Variants in PHACTR1 observed in about 807,000 individuals in gnomAD.
The protein encoded by PHACTR1 is phosphatase and actin regulator 1.
In PHACTR1, 16 loss-of-function variants were observed where a neutral mutation model predicts 69.2. That is an observed-to-expected ratio of 0.23 (90% confidence interval 0.16 to 0.35). The LOEUF (loss-of-function observed/expected upper bound fraction) is 0.35, where lower values mean the gene tolerates loss of function less well. PHACTR1 is among the 10% of genes least tolerant of loss of function. The probability of loss-of-function intolerance (pLI) is 1.00; values close to 1 mark genes in which losing one functional copy is unlikely to be tolerated. For missense variants in PHACTR1, 510 were observed against 734.7 expected, an observed-to-expected ratio of 0.69 and a Z score of 3.54; for synonymous variants, 312 against 284.5, an observed-to-expected ratio of 1.10 and a Z score of -0.97.
intron 4 of PHACTR1, among the ~76,000 whole-genome samples, chr6:12,807,494 A>G (rs1774477866): frequency 1.3e-5 from 2 of 152,218 alleles, no homozygotes; most frequent in African/African-American, 4.8e-5. Flanking sequence ...CCCAGGAAAT[A>G]TAAGGACCTG....
chr6:13,034,207 C>T (rs1056430371), intron 4 of PHACTR1, among the ~76,000 whole-genome samples: 2 of 151,810 alleles, frequency 1.3e-5, no homozygotes, highest in Non-Finnish European at 2.9e-5. Context: ...TTAGTAGAGA[C>T]GGAGTTTCAC....
intron 4 of PHACTR1, among the ~76,000 whole-genome samples, chr6:12,931,003 CAAAAAA>C (rs34965562): frequency 2.2e-4 from 19 of 86,190 alleles, no homozygotes; most frequent in Non-Finnish European, 2.4e-5. Context: ...AACTCTGTCT[CAAAAAA>C]AAAAAAAAAA....
At chr6:13,222,873 G>A (rs1043147444) in intron 8 of PHACTR1, among the ~76,000 whole-genome samples, 7 of 152,156 alleles carry the variant, frequency 4.6e-5, no homozygotes, top group African/African-American at 9.7e-5. Flanking sequence ...TGCCTGTGTC[G>A]AAAAAGCCTG....
At chr6:12,808,293 G>A (rs1459512636) in intron 4 of PHACTR1, among the ~76,000 whole-genome samples, 1 of 152,132 alleles carries the variant, frequency 6.6e-6, no homozygotes, top group Admixed American at 6.5e-5. Flanking sequence ...AGGTTTAAAA[G>A]TATATATTTT....
At chr6:12,994,330 C>T (rs1021553054) in intron 4 of PHACTR1, among the ~76,000 whole-genome samples, 1 of 152,098 alleles carries the variant, frequency 6.6e-6, no homozygotes. Flanking sequence ...TTTTTCCCCC[C>T]CTTGGAGAAG....
chr6:12,727,968 T>A (rs1763008870), intron 3 of PHACTR1, among the ~76,000 whole-genome samples: 1 of 152,010 alleles, frequency 6.6e-6, no homozygotes, highest in Non-Finnish European at 1.5e-5. Context: ...CCTTTTTCAA[T>A]CATAAAAGCA....
intron 10 of PHACTR1, among the ~76,000 whole-genome samples, chr6:13,259,692 G>A (rs955702390): frequency 2.0e-5 from 3 of 152,182 alleles, no homozygotes; most frequent in African/African-American, 7.2e-5. Flanking sequence ...GGCATGGAGG[G>A]GTAAGGAGAT....
intron 4 of PHACTR1, among the ~76,000 whole-genome samples, chr6:12,968,120 G>T (rs1370660131): frequency 1.3e-5 from 2 of 152,190 alleles, no homozygotes; most frequent in Non-Finnish European, 2.9e-5. Flanking sequence ...CAAGGGAAGG[G>T]TGATCACGGG....
At chr6:13,208,322 T>C (rs1009789007) in intron 8 of PHACTR1, among the ~76,000 whole-genome samples, 1 of 152,204 alleles carries the variant, frequency 6.6e-6, no homozygotes, top group African/African-American at 2.4e-5. Context: ...AGAACAAGTT[T>C]TAGATACTCT....
At chr6:12,965,921 A>G (rs1189778722) in intron 4 of PHACTR1, among the ~76,000 whole-genome samples, 2 of 152,240 alleles carry the variant, frequency 1.3e-5, no homozygotes, top group African/African-American at 4.8e-5. Context: ...CTGCACAGCT[A>G]GCATGAACTC....
chr6:13,019,695 A>G (rs940480736), intron 4 of PHACTR1, among the ~76,000 whole-genome samples: 4 of 152,238 alleles, frequency 2.6e-5, no homozygotes, highest in African/African-American at 4.8e-5. Flanking sequence ...TGTGAAATCT[A>G]TAGCTTGAAA....
At chr6:13,202,058 G>A (rs1303807359) in intron 7 of PHACTR1, among the ~76,000 whole-genome samples, 1 of 152,258 alleles carries the variant, frequency 6.6e-6, no homozygotes, top group Admixed American at 6.5e-5. Context: ...CAGGAAAGAA[G>A]GAGGGGGGTT....
chr6:12,991,556 C>T (rs1409317972), intron 4 of PHACTR1, among the ~76,000 whole-genome samples: 2 of 152,144 alleles, frequency 1.3e-5, no homozygotes, highest in African/African-American at 4.8e-5. Context: ...TTGGTTTGTT[C>T]TTCCCTCACA....
chr6:12,911,440 G>T (rs914072305), intron 4 of PHACTR1, among the ~76,000 whole-genome samples: 1 of 152,112 alleles, frequency 6.6e-6, no homozygotes, highest in Non-Finnish European at 1.5e-5. Flanking sequence ...TAAAAATATT[G>T]CATATCCTTT....
chr6:13,215,657 G>GA (rs1396801526), intron 8 of PHACTR1, among the ~76,000 whole-genome samples: 2 of 152,196 alleles, frequency 1.3e-5, no homozygotes, highest in African/African-American at 4.8e-5. Flanking sequence ...AGGCTAATAG[G>GA]AGTCCCAAAT....
chr6:12,986,465 G>C (rs996439627), intron 4 of PHACTR1, among the ~76,000 whole-genome samples: 3 of 152,162 alleles, frequency 2.0e-5, no homozygotes, highest in African/African-American at 4.8e-5. Context: ...GCCTACTACT[G>C]TATGGTTTCA....
At chr6:12,912,977 G>A (rs1786577257) in intron 4 of PHACTR1, among the ~76,000 whole-genome samples, 1 of 152,080 alleles carries the variant, frequency 6.6e-6, no homozygotes, top group South Asian at 2.1e-4. Flanking sequence ...CAAAAACCTG[G>A]CTTTTAAAGC....
Position 13,287,147 on chromosome 6 carries a change from A to G in PHACTR1, c.*69A>G. 25 of 1,404,168 alleles carry G rather than the reference A, an allele frequency of 1.8e-5. No individual in the cohort carries two copies. Among genetic ancestry groups the G allele is most frequent in the Non-Finnish European group, 2.5e-5 (25 of 1,013,222 alleles). The allele number at this position is 1,404,168 out of a possible 1,614,324, so 87.0% of individuals were successfully genotyped here. ...ATTTATAAGAACCATAAGTGCTGGT[A>G]TTTATTCACTTCCCCATTACGATGT... On this transcript the variant is annotated 3_prime_UTR_variant, in exon 15 of 15. Coordinates refer to ENST00000332995, the MANE Select transcript of PHACTR1 (RefSeq NM_030948.6).
chr6:13,157,277 A>G (rs1758317821), intron 5 of PHACTR1, among the ~76,000 whole-genome samples: 2 of 151,890 alleles, frequency 1.3e-5, no homozygotes, highest in Non-Finnish European at 1.5e-5. Context: ...CTTTTCCAAC[A>G]CCCCAATCAG....
Sources: gnomAD v4.1 joint callset for allele counts (sites outside exome capture counted in the v4.1 genomes callset) on GRCh38, gnomAD v4.1.1 for gene constraint, MANE v1.5 for transcripts, NCBI Gene and HGNC (gene_info 2026-07-23, HGNC 2026-07-21) for gene names.